The following ADAM22 variants were observed in gnomAD, a reference collection of about 807,000 sequenced individuals.
The protein encoded by ADAM22 is ADAM metallopeptidase domain 22.
A neutral mutation model predicts 144.6 loss-of-function variants in ADAM22; 65 were observed. That is an observed-to-expected ratio of 0.45 (90% CI 0.37 to 0.55). ADAM22 has a LOEUF of 0.55. Ranked by LOEUF, ADAM22 falls within the 20% of genes least tolerant of loss-of-function variation. The pLI is 0.00. For missense variants in ADAM22, 974 were observed against 1,184.9 expected (o/e 0.82, Z 2.61); for synonymous variants, 391 against 412.6 (o/e 0.95, Z 0.63).
At chr7:88,136,133 C>A in intron 14 of ADAM22, 102 bp downstream of exon 14, 2 of 977,816 alleles carry the variant, frequency 2.0e-6, no homozygotes, top group Non-Finnish European at 2.9e-6. Context: ...TGGAATCTAG[C>A]ACTTATAAAA....
At chr7:88,028,890 GT>G (rs766757724) in intron 3 of ADAM22, among the ~76,000 whole-genome samples, 14 of 151,932 alleles carry the variant, frequency 9.2e-5, no homozygotes, top group Non-Finnish European at 1.9e-4. Flanking sequence ...CAGTCTATGT[GT>G]GTCCTTATAG....
intron 2 of ADAM22, among the ~76,000 whole-genome samples, chr7:87,962,211 T>TA (rs1848149803): frequency 1.3e-5 from 2 of 152,234 alleles, no homozygotes; most frequent in African/African-American, 4.8e-5. Context: ...GTAAAGTAGT[T>TA]AAACTATGTG....
intron 5 of ADAM22, among the ~76,000 whole-genome samples, chr7:88,111,299 A>G (rs970749810): frequency 2.6e-5 from 4 of 152,260 alleles, no homozygotes; most frequent in Non-Finnish European, 5.9e-5. Context: ...TGTCCCAATT[A>G]CAGTGGTTTA....
At chr7:87,959,021 C>T (rs936238497) in intron 2 of ADAM22, among the ~76,000 whole-genome samples, 9 of 151,672 alleles carry the variant, frequency 5.9e-5, no homozygotes, top group South Asian at 2.1e-4. Context: ...GATTCTTGGT[C>T]TGTCTGTGTA....
At chr7:88,037,800 G>C (rs1801882075) in intron 3 of ADAM22, among the ~76,000 whole-genome samples, 1 of 151,986 alleles carries the variant, frequency 6.6e-6, no homozygotes, top group African/African-American at 2.4e-5. Flanking sequence ...TCTCCTGGGA[G>C]TTTTTCATAA....
chr7:88,081,959 A>C (rs557866054), intron 4 of ADAM22, among the ~76,000 whole-genome samples: 14 of 152,064 alleles, frequency 9.2e-5, no homozygotes, highest in African/African-American at 1.7e-4. Flanking sequence ...GCTACCAATG[A>C]CTTTCTTCAC....
At chr7:88,027,641 A>G (rs1799304178) in intron 3 of ADAM22, among the ~76,000 whole-genome samples, 1 of 152,020 alleles carries the variant, frequency 6.6e-6, no homozygotes, top group Non-Finnish European at 1.5e-5. Flanking sequence ...ATCTTTTCAG[A>G]AAAAAACACC....
intron 2 of ADAM22, among the ~76,000 whole-genome samples, chr7:87,967,194 G>A (rs548646394): frequency 6.6e-6 from 1 of 152,168 alleles, no homozygotes; most frequent in African/African-American, 2.4e-5. Context: ...AAATTACCCA[G>A]TCTCAGGTAT....
chr7:88,080,794 C>G (rs1034823070), intron 4 of ADAM22, among the ~76,000 whole-genome samples: 1 of 152,104 alleles, frequency 6.6e-6, no homozygotes, highest in Non-Finnish European at 1.5e-5. Context: ...CAAGACTAAA[C>G]CAGGAAGAAG....
intron 2 of ADAM22, among the ~76,000 whole-genome samples, chr7:87,959,756 G>T (rs1000638400): frequency 8.5e-5 from 13 of 152,156 alleles, no homozygotes; most frequent in African/African-American, 3.1e-4. Flanking sequence ...TGAGTCTTCT[G>T]TGAAAATTAA....
chr7:87,999,403 G>A (rs1792002004), intron 3 of ADAM22, among the ~76,000 whole-genome samples: 1 of 117,632 alleles, frequency 8.5e-6, no homozygotes, highest in East Asian at 2.2e-4. Flanking sequence ...TACATGTGCT[G>A]GAATCAAGAA....
intron 18 of ADAM22, 134 bp downstream of exon 18, chr7:88,149,191 G>C (rs1425002502): frequency 7.4e-6 from 5 of 671,494 alleles, no homozygotes; most frequent in African/African-American, 1.8e-5. Flanking sequence ...TTTTTTTTAG[G>C]AATTTAAGTT....
At chr7:87,975,788 A>G (rs1851764382) in intron 2 of ADAM22, among the ~76,000 whole-genome samples, 2 of 152,232 alleles carry the variant, frequency 1.3e-5, no homozygotes, top group African/African-American at 2.4e-5. Flanking sequence ...TGCAACATTA[A>G]TATTTCTGAT....
rs142886597 is a variant in ADAM22 at position 87,997,609 on chromosome 7, G to A, written c.323+19197G>A. ...CACTCCCTTGCTGGCTGTTGGCCCT[G>A]GATTGTTGCAGGCGCTGCCTGCATT... On this transcript the variant is annotated intron_variant, in intron 3 of 31. Coordinates refer to ENST00000413139, the MANE Select transcript of ADAM22 (RefSeq NM_001324418.2). Among the ~76,000 whole-genome samples, 48 of 152,358 alleles carry A rather than the reference G, an allele frequency of 3.2e-4. No homozygotes were observed. The East Asian group carries it at 8.5e-3, about 27-fold the overall frequency.
intron 4 of ADAM22, among the ~76,000 whole-genome samples, chr7:88,103,285 G>T (rs115451506): frequency 6.6e-6 from 1 of 151,954 alleles, no homozygotes; most frequent in Non-Finnish European, 1.5e-5. Context: ...TATGGCCCAG[G>T]CTGTGTAACT....
At chr7:88,158,252 G>C (rs1458452021) in intron 22 of ADAM22, among the ~76,000 whole-genome samples, 1 of 152,186 alleles carries the variant, frequency 6.6e-6, no homozygotes, top group East Asian at 1.9e-4. Context: ...GCTTCATCAA[G>C]CAAGTTCTTA....
At chr7:88,193,076 G>A (rs527996790) in intron 30 of ADAM22, 40 bp from the exon 31 acceptor site, 2 of 1,611,464 alleles carry the variant, frequency 1.2e-6, no homozygotes, top group Non-Finnish European at 1.7e-6. Context: ...AAAATGTTAG[G>A]CAATCACATG....
chr7:88,057,138 T>C (rs1367614327), intron 3 of ADAM22, among the ~76,000 whole-genome samples: 7 of 152,128 alleles, frequency 4.6e-5, no homozygotes, highest in African/African-American at 1.7e-4. Context: ...TTTTTTTTTT[T>C]TTCTTAAGAC....
intron 3 of ADAM22, among the ~76,000 whole-genome samples, chr7:88,005,258 T>C (rs1793531551): frequency 6.6e-6 from 1 of 152,098 alleles, no homozygotes; most frequent in East Asian, 1.9e-4. Context: ...TTGGAACAGG[T>C]GCAACTCTTT....
Sources: allele counts gnomAD v4.1 joint callset (sites outside exome capture counted in the v4.1 genomes callset), GRCh38; gene constraint gnomAD v4.1.1; transcripts MANE v1.5; gene names NCBI Gene and HGNC (gene_info 2026-07-23, HGNC 2026-07-21).